TMPRSS15: variants seen among roughly 807,000 people sequenced by gnomAD.
TMPRSS15 encodes the protein enteropeptidase.
TMPRSS15 carries 128 observed loss-of-function variants against 125.3 expected under a neutral mutation model. That is an observed-to-expected ratio of 1.02 (90% CI 0.89 to 1.18). The LOEUF is 1.18. Ranked by LOEUF, TMPRSS15 falls within the 50% of genes most tolerant of loss-of-function variation. TMPRSS15 has a pLI of 0.00. For missense variants in TMPRSS15, 1,283 were observed against 1,212.7 expected, an observed-to-expected ratio of 1.06 and a Z score of -0.86; for synonymous variants, 446 against 423.2, an observed-to-expected ratio of 1.05 and a Z score of -0.66.
In TMPRSS15 at chr21:18,368,707, A is replaced by T. The variant is rs1034757532; in HGVS notation, c.665-3459T>A. Among the ~76,000 whole-genome samples the T allele has an allele frequency of 3.9e-5, 6 of 152,344 alleles. No individual in the cohort carries two copies. The South Asian group carries it at 1.2e-3, about 32-fold the overall frequency. ...TGTCCAGTATTCTATCATGTTACTAAGTTTTAGTGGGAATGGATACTCCAC... is the reference window on the plus strand; with the variant it reads ...TGTCCAGTATTCTATCATGTTACTATGTTTTAGTGGGAATGGATACTCCAC... On this transcript the variant is annotated intron_variant, in intron 6 of 24. Transcript: ENST00000284885.
In TMPRSS15 at chr21:18,469,084, T is replaced by TA. The variant is rs536405673; in HGVS notation, c.10+16714dup. ...GCTGGCTGTTGAAAGCCTTGGCTCT[T>TA]ATGTCCACCCGGCTAATATATGCAG... On this transcript the variant is annotated intron_variant, in intron 1 of 7. Transcript: ENST00000422787. Among the ~76,000 whole-genome samples the TA allele has an allele frequency of 3.3e-4, 51 of 152,292 alleles. 1 individual carries two copies. In the East Asian group the frequency reaches 9.8e-3, roughly 29 times the overall value.
chr21:18,464,323 T>C (rs1470926514), intron 1 of TMPRSS15, among the ~76,000 whole-genome samples: 2 of 150,924 alleles, frequency 1.3e-5, no homozygotes, highest in Admixed American at 1.3e-4. Flanking sequence ...AGATCTAAAA[T>C]CGACACCCTA....
intron 16 of TMPRSS15, among the ~76,000 whole-genome samples, chr21:18,318,484 G>C (rs1366061105): frequency 6.6e-6 from 1 of 152,118 alleles, no homozygotes; most frequent in Non-Finnish European, 1.5e-5. Flanking sequence ...GGAAAAAAGG[G>C]AAGTGGAAAC....
upstream of TMPRSS15, among the ~76,000 whole-genome samples, chr21:18,407,308 T>TA (rs1177860838): frequency 6.6e-6 from 1 of 152,090 alleles, no homozygotes; most frequent in Non-Finnish European, 1.5e-5. Flanking sequence ...TCTGCATTTT[T>TA]AAAAAAATAG....
chr21:18,479,208 C>G (rs894130804), intron 1 of TMPRSS15, among the ~76,000 whole-genome samples: 1 of 151,874 alleles, frequency 6.6e-6, no homozygotes, highest in Non-Finnish European at 1.5e-5. Flanking sequence ...TTCATATGTC[C>G]ATGGCCCTTA....
At chr21:18,462,779 G>GA (rs977743500) in intron 1 of TMPRSS15, among the ~76,000 whole-genome samples, 3 of 151,058 alleles carry the variant, frequency 2.0e-5, no homozygotes, top group Admixed American at 6.6e-5. Context: ...TGAAATGAAG[G>GA]AAAAAAAAAT....
chr21:18,365,689 TCCTTCCTTCCTA>T lies in TMPRSS15; in HGVS notation c.665-453_665-442del, dbSNP rs1487681446. Among the ~76,000 whole-genome samples, 16 of 140,224 alleles carry T rather than the reference TCCTTCCTTCCTA, an allele frequency of 1.1e-4. 1 individual carries two copies. Among genetic ancestry groups the T allele is most frequent in the African/African-American group, 4.3e-4 (16 of 36,940 alleles). 92.0% of individuals were successfully genotyped at this position (140,224 alleles called of 152,430 possible). On this transcript the variant is annotated intron_variant, in intron 6 of 24. Transcript: ENST00000284885. Reference sequence around the variant, plus strand: ...TTCCTTCCTTCCTTCCTTCCTTCCTTCCTTCCTTCCTACCTTCTCTCTCTCTCTTTCTTTCTC... The same window carrying T: ...TTCCTTCCTTCCTTCCTTCCTTCCTTCCTTCTCTCTCTCTCTTTCTTTCTC...
At chr21:18,323,141 A>C (rs984437849) in intron 16 of TMPRSS15, among the ~76,000 whole-genome samples, 1 of 152,172 alleles carries the variant, frequency 6.6e-6, no homozygotes, top group African/African-American at 2.4e-5. Flanking sequence ...TCAACTTAAA[A>C]TAGGGGTTTA....
upstream of TMPRSS15, among the ~76,000 whole-genome samples, chr21:18,407,448 CTTT>C (rs201740388): frequency 7.5e-6 from 1 of 133,188 alleles, no homozygotes. Flanking sequence ...TTTTTCTTTT[CTTT>C]TTTTTTTTTT....
At chr21:18,371,654 A>C (rs1399734442) in intron 6 of TMPRSS15, among the ~76,000 whole-genome samples, 2 of 152,172 alleles carry the variant, frequency 1.3e-5, no homozygotes, top group Non-Finnish European at 2.9e-5. Flanking sequence ...GTTCTTATTC[A>C]TATCTTATTT....
intron 1 of TMPRSS15, among the ~76,000 whole-genome samples, chr21:18,447,193 C>A (rs1231216830): frequency 1.3e-5 from 2 of 151,672 alleles, no homozygotes; most frequent in Non-Finnish European, 2.9e-5. Flanking sequence ...CGCCTGTAAC[C>A]CCAGCACTTT....
At chr21:18,379,148 T>A (rs2075869356) in intron 5 of TMPRSS15, 135 bp downstream of exon 5, 2 of 374,830 alleles carry the variant, frequency 5.3e-6, no homozygotes, top group Non-Finnish European at 9.6e-6. Flanking sequence ...CAGACTTTTA[T>A]GCTCTTGATT....
chr21:18,441,314 A>AC (rs200827085), intron 1 of TMPRSS15, among the ~76,000 whole-genome samples: 3 of 144,094 alleles, frequency 2.1e-5, no homozygotes, highest in South Asian at 2.2e-4. Context: ...ACAAAACCAA[A>AC]AAAACAAAGA....
chr21:18,335,011 C>T (rs558304580), intron 13 of TMPRSS15, among the ~76,000 whole-genome samples: 1 of 152,190 alleles, frequency 6.6e-6, no homozygotes, highest in Non-Finnish European at 1.5e-5. Flanking sequence ...CAATGGAGAA[C>T]AAGGGCAAGT....
At chr21:18,460,830 A>C (rs1978537930) in intron 1 of TMPRSS15, 1 of 152,248 alleles carries the variant, frequency 6.6e-6, no homozygotes, top group South Asian at 2.1e-4. Context: ...AGAAACATCC[A>C]TGATAATCTT....
intron 10 of TMPRSS15, among the ~76,000 whole-genome samples, chr21:18,345,349 G>A (rs1252316138): frequency 6.6e-6 from 1 of 152,050 alleles, no homozygotes; most frequent in African/African-American, 2.4e-5. Flanking sequence ...ACAGAAGAGA[G>A]GTCCCAGAAT....
chr21:18,332,249 T>A (rs2146969899), intron 13 of TMPRSS15, 76 bp from the exon 14 acceptor site: 1 of 1,278,464 alleles, frequency 7.8e-7, no homozygotes, highest in East Asian at 2.3e-5. Context: ...TGCCAGCGAA[T>A]TTTCAATTAC....
intron 1 of TMPRSS15, among the ~76,000 whole-genome samples, chr21:18,473,759 CTTTTT>C (rs373396008): frequency 6.6e-6 from 1 of 151,912 alleles, no homozygotes; most frequent in African/African-American, 2.4e-5. Context: ...TCTAATTTTT[CTTTTT>C]TATGTTTTTG....
intron 23 of TMPRSS15, among the ~76,000 whole-genome samples, chr21:18,276,183 G>A (rs1307854998): frequency 6.6e-6 from 1 of 152,098 alleles, no homozygotes; most frequent in Non-Finnish European, 1.5e-5. Flanking sequence ...GATGAAGGAA[G>A]CAAAAAAAGT....
Sources: gnomAD v4.1 joint callset for allele counts (sites outside exome capture counted in the v4.1 genomes callset) on GRCh38, gnomAD v4.1.1 for gene constraint, MANE v1.5 for transcripts, NCBI Gene and HGNC (gene_info 2026-07-23, HGNC 2026-07-21) for gene names.